Variants in ZNF341 observed in about 807,000 individuals in gnomAD.
The protein encoded by ZNF341 is zinc finger protein 341.
Under a neutral mutation model 87.7 loss-of-function variants are expected in ZNF341, and 52 were observed. The ratio of observed to expected loss-of-function variants is 0.59; its 90% CI spans 0.47 to 0.75. ZNF341 has a LOEUF of 0.75. ZNF341 is among the 30% of genes least tolerant of loss of function. The pLI is 0.00. For synonymous variants in ZNF341, 459 were observed against 472.7 expected (o/e 0.97, Z 0.38); for missense variants, 977 against 1,145.9 (o/e 0.85, Z 2.13).
intron 3 of ZNF341, among the ~76,000 whole-genome samples, chr20:33,747,119 A>G (rs2018943282): frequency 6.6e-6 from 1 of 152,084 alleles, no homozygotes; most frequent in Non-Finnish European, 1.5e-5. Flanking sequence ...AGAAAGACTA[A>G]AGGATCCCTC....
chr20:33,784,851 G>C (rs183549605), intron 12 of ZNF341, among the ~76,000 whole-genome samples: 82 of 152,122 alleles, frequency 5.4e-4, no homozygotes, highest in African/African-American at 1.9e-3. Flanking sequence ...CCTGACCTCA[G>C]GTGATCCTCC....
intron 9 of ZNF341, among the ~76,000 whole-genome samples, chr20:33,769,712 A>T (rs1471029860): frequency 1.3e-5 from 2 of 152,110 alleles, no homozygotes; most frequent in Non-Finnish European, 2.9e-5. Context: ...GGAGTTCGAG[A>T]CCAGCCTGGC....
intron 1 of ZNF341, among the ~76,000 whole-genome samples, chr20:33,735,779 CAG>C: frequency 6.6e-6 from 1 of 152,216 alleles, no homozygotes; most frequent in South Asian, 2.1e-4. Flanking sequence ...ACATACAGAA[CAG>C]GGGCATCACT....
At chr20:33,781,217 C>T (rs1601286195) in intron 10 of ZNF341, 74 bp from the exon 11 acceptor site, 1 of 1,118,780 alleles carries the variant, frequency 8.9e-7, no homozygotes, top group Admixed American at 1.7e-5. Flanking sequence ...TAATGTTGGC[C>T]CTGGGGTGGC....
chr20:33,788,819 G>A (rs79437670), intron 12 of ZNF341, 44 bp from the exon 13 acceptor site: 23,071 of 1,568,716 alleles, frequency 0.015, 205 homozygotes, highest in Non-Finnish European at 0.017. Context: ...CCTGGATGCC[G>A]ACTCCTGGTG....
At chr20:33,767,066 C>G (rs1182457546) in intron 9 of ZNF341, 25 bp downstream of exon 9, 1 of 1,599,170 alleles carries the variant, frequency 6.3e-7, no homozygotes, top group Non-Finnish European at 8.5e-7. Flanking sequence ...GCAGCAGGGG[C>G]CCACACCACA....
chr20:33,753,446 A>G (rs766635521), intron 5 of ZNF341, 23 bp downstream of exon 5: 1 of 1,560,690 alleles, frequency 6.4e-7, no homozygotes, highest in South Asian at 1.2e-5. Flanking sequence ...GGCAGGGTGG[A>G]AGAGGACACT....
At position 33,791,232 on chromosome 20, in the gene ZNF341, G is replaced by A; in HGVS notation, c.2280G>A (p.Gly760=). The change falls in exon 15 of 15, where the codon GGG becomes GGA. Residue 760 remains glycine, a synonymous_variant. Coordinates refer to ENST00000375200, the MANE Select transcript of ZNF341 (RefSeq NM_001282933.2). Reference sequence around the variant, plus strand: ...CCCCCCGCAGTTGCGGCAGTGGTGGGCGCAAGGTGCTGACCCCCTTGCCTG... The same window carrying A: ...CCCCCCGCAGTTGCGGCAGTGGTGGACGCAAGGTGCTGACCCCCTTGCCTG... ...RAAPRSCGSG[G]RKVLTPLPDP... The A allele has an allele frequency of 6.2e-7, 1 of 1,611,936 alleles. No homozygotes were observed. The highest frequency in any genetic ancestry group is 2.2e-5 in the East Asian group (1 of 44,864).
Position 33,761,905 on chromosome 20 carries a change from G to A in ZNF341, c.1072G>A (p.Ala358Thr). The A allele has an allele frequency of 6.3e-7, 1 of 1,593,250 alleles. No homozygotes were observed. Among genetic ancestry groups the A allele is most frequent in the Non-Finnish European group, 8.6e-7 (1 of 1,164,818 alleles). Reference sequence around the variant, plus strand: ...CTTCCAGTGCATTGCATGTGGCCGTGCCTTTGCCCAGAAGTCTAATGTTAA... The same window carrying A: ...CTTCCAGTGCATTGCATGTGGCCGTACCTTTGCCCAGAAGTCTAATGTTAA... ...KPFQCIACGR[A>T]FAQKSNVKKH... is the part of the protein sequence containing the mutation. Residue 358 changes from alanine (A) to threonine (T), a missense_variant, in exon 8 of 15, where the codon GCC (alanine) becomes ACC (threonine). By Grantham distance (58) the Ala-to-Thr change is moderately conservative. Transcript: ENST00000375200.
Position 33,762,055 on chromosome 20 carries a change from G to T in ZNF341, c.1222G>T (p.Gly408Trp). The change falls in exon 8 of 15, where the codon GGG (glycine) becomes TGG (tryptophan). Residue 408 changes from glycine to tryptophan, a missense_variant and splice_region_variant. This residue lies in a region of ZNF341 where 515 missense variants were observed against 598.2 expected (regional missense o/e 0.86). Coordinates refer to ENST00000375200, the MANE Select transcript of ZNF341 (RefSeq NM_001282933.2). ...CAGGCAGGAGGACGAGGAAAGCACA[G>T]GTGGGTGGAAGTAGGGAACGCCATG... The part of the protein sequence containing the change: ...PSRQEDEEST[G>W]LGQPLPGAPQ... The T allele has an allele frequency of 6.5e-7, 1 of 1,537,052 alleles. No individual in the cohort carries two copies. The highest frequency in any genetic ancestry group is 1.2e-5 in the South Asian group (1 of 83,490).
intron 2 of ZNF341, among the ~76,000 whole-genome samples, chr20:33,742,981 A>G (rs1354173411): frequency 6.6e-6 from 1 of 151,954 alleles, no homozygotes; most frequent in Non-Finnish European, 1.5e-5. Flanking sequence ...CATGCCTGTG[A>G]ATAGCCACTG....
chr20:33,767,358 C>A (rs369409042), intron 9 of ZNF341, among the ~76,000 whole-genome samples: 1 of 150,882 alleles, frequency 6.6e-6, no homozygotes, highest in Non-Finnish European at 1.5e-5. Flanking sequence ...TCACCTTGTA[C>A]TCCTGTCCTG....
At chr20:33,775,745 G>A (rs2019614812) in intron 10 of ZNF341, among the ~76,000 whole-genome samples, 1 of 151,970 alleles carries the variant, frequency 6.6e-6, no homozygotes, top group Non-Finnish European at 1.5e-5. Context: ...AGTCACCCAG[G>A]CTGGAGTACA....
intron 5 of ZNF341, among the ~76,000 whole-genome samples, chr20:33,756,274 A>G (rs2019175634): frequency 6.6e-6 from 1 of 151,972 alleles, no homozygotes; most frequent in Non-Finnish European, 1.5e-5. Flanking sequence ...CTCAGTGAAG[A>G]GAAGCCTGCT....
At chr20:33,770,931 T>A (rs1316335799) in intron 10 of ZNF341, among the ~76,000 whole-genome samples, 3 of 151,924 alleles carry the variant, frequency 2.0e-5, no homozygotes, top group African/African-American at 7.3e-5. Flanking sequence ...CCATCCTGGC[T>A]AACACGGTGA....
rs1448819752 is a variant in ZNF341 at position 33,789,514 on chromosome 20, T to A, written c.1965-4T>A. On this transcript the variant is annotated splice_polypyrimidine_tract_variant and splice_region_variant and intron_variant, in intron 13 of 14. Transcript: ENST00000375200. ...TCCCCCTGACCAGTGGCTTTGGGTT[T>A]TAGGACGCACACAGGCTGCAGTAAG... The A allele has an allele frequency of 1.2e-6, 2 of 1,613,976 alleles. No homozygotes were observed. The highest frequency in any genetic ancestry group is 1.3e-5 in the African/African-American group (1 of 75,014).
At chr20:33,777,187 G>A (rs1199688259) in intron 10 of ZNF341, among the ~76,000 whole-genome samples, 1 of 149,466 alleles carries the variant, frequency 6.7e-6, no homozygotes, top group East Asian at 1.9e-4. Context: ...GGTGGGTATG[G>A]TAGCATATGC....
At chr20:33,758,453 G>A (rs1227061925) in intron 6 of ZNF341, among the ~76,000 whole-genome samples, 1 of 152,172 alleles carries the variant, frequency 6.6e-6, no homozygotes, top group East Asian at 1.9e-4. Flanking sequence ...AGTGCTGTGG[G>A]CCATGGCAAA....
At chr20:33,765,836 G>A (rs2019393789) in intron 8 of ZNF341, among the ~76,000 whole-genome samples, 1 of 152,136 alleles carries the variant, frequency 6.6e-6, no homozygotes, top group Non-Finnish European at 1.5e-5. Context: ...AGGAAAGTGA[G>A]GAACAGTGTA....
Sources: allele counts gnomAD v4.1 joint callset (sites outside exome capture counted in the v4.1 genomes callset), GRCh38; gene constraint gnomAD v4.1.1; regional missense constraint gnomAD v4.1.1; transcripts MANE v1.5; gene names NCBI Gene and HGNC (gene_info 2026-07-23, HGNC 2026-07-21).